The following GABARAPL1 variants were observed in gnomAD, a reference collection of about 807,000 sequenced individuals.
The protein encoded by GABARAPL1 is GABA type A receptor associated protein like 1, also known as gamma-aminobutyric acid receptor-associated protein-like 1.
GABARAPL1 carries 4 observed loss-of-function variants against 14.5 expected under a neutral mutation model. The observed-to-expected ratio is 0.28, with a 90% CI of 0.14 to 0.63. The LOEUF (loss-of-function observed/expected upper bound fraction) is 0.63. Among genes scored for constraint, GABARAPL1 ranks in the 30% least tolerant of loss-of-function variants. The pLI, the probability that GABARAPL1 is intolerant of heterozygous loss-of-function variation, is 0.84. For synonymous variants in GABARAPL1, 47 were observed against 50.6 expected, an observed-to-expected ratio of 0.93 and a Z score of 0.30; for missense variants, 82 against 139.2, an observed-to-expected ratio of 0.59 and a Z score of 2.07.
chr12:10,222,287 G>A lies in GABARAPL1; in HGVS notation c.*435G>A. 5.2e-6 allele frequency: 1 copy of A among 193,312 alleles called. No homozygotes were observed. 12.0% of individuals were successfully genotyped at this position (193,312 alleles called of 1,614,324 possible). ...AGACAGGTAGGGAAAGGGGACTTGT[G>A]GTAGTGGACCATACCTGGGGACCAA... On this transcript the variant is annotated 3_prime_UTR_variant, in exon 4 of 4. Coordinates refer to ENST00000266458, the MANE Select transcript of GABARAPL1 (RefSeq NM_031412.4).
chr12:10,219,153 C>T (rs1162375590), intron 2 of GABARAPL1, among the ~76,000 whole-genome samples: 7 of 151,492 alleles, frequency 4.6e-5, no homozygotes, highest in Admixed American at 1.3e-4. Flanking sequence ...ACCATGTCTT[C>T]ATTAAAAATA....
intron 1 of GABARAPL1, chr12:10,214,905 ACT>A (rs1377388494): frequency 6.6e-6 from 1 of 152,104 alleles, no homozygotes; most frequent in Non-Finnish European, 1.5e-5. Context: ...ATGTGCATTC[ACT>A]CTGAATATTT....
At chr12:10,221,617 C>T (rs1035481908) in intron 3 of GABARAPL1, 170 bp from the exon 4 acceptor site, 1 of 496,154 alleles carries the variant, frequency 2.0e-6, no homozygotes, top group African/African-American at 2.1e-5. Flanking sequence ...TGTTTGTGAA[C>T]TCAGAGCTCA....
chr12:10,213,753 G>T (rs1949071926), intron 1 of GABARAPL1: 1 of 438,330 alleles, frequency 2.3e-6, no homozygotes, highest in Middle Eastern at 3.4e-4. Context: ...CATTACAGGG[G>T]GTTAGGGGAG....
chr12:10,213,606 T>C (rs190051386), intron 1 of GABARAPL1: 4 of 340,376 alleles, frequency 1.2e-5, no homozygotes, highest in Admixed American at 7.8e-5. Flanking sequence ...CGCAGGGACA[T>C]TGTGCTGTGC....
At chr12:10,217,940 A>G (rs1949099809) in intron 1 of GABARAPL1, 123 bp from the exon 2 acceptor site, 1 of 656,648 alleles carries the variant, frequency 1.5e-6, no homozygotes, top group Non-Finnish European at 2.8e-6. Flanking sequence ...AAGAAATGAA[A>G]CAGGTGTCCT....
In GABARAPL1 at chr12:10,220,435, T is replaced by C; in HGVS notation, c.170-5T>C. On this transcript the variant is annotated splice_polypyrimidine_tract_variant and splice_region_variant and intron_variant, in intron 2 of 3. Transcript: ENST00000266458. Reference sequence around the variant, plus strand: ...TTTCTGCCCTTTTCTTCTTCCATCATCCAGTTGGCCAGTTCTACTTCTTAA... The same window carrying C: ...TTTCTGCCCTTTTCTTCTTCCATCACCCAGTTGGCCAGTTCTACTTCTTAA... The C allele has an allele frequency of 6.2e-7, 1 of 1,612,010 alleles. No homozygotes were observed.
intron 1 of GABARAPL1, among the ~76,000 whole-genome samples, chr12:10,217,284 T>G (rs1375740458): frequency 6.6e-6 from 1 of 152,236 alleles, no homozygotes; most frequent in Non-Finnish European, 1.5e-5. Flanking sequence ...TTCCATTTAA[T>G]AATGTTTGAA....
intron 2 of GABARAPL1, among the ~76,000 whole-genome samples, chr12:10,219,191 C>T (rs866384951): frequency 2.6e-5 from 4 of 151,736 alleles, no homozygotes; most frequent in Non-Finnish European, 4.4e-5. Flanking sequence ...TGTTGTTGGG[C>T]ACCTGTAATC....
At chr12:10,216,359 G>A (rs1949088473) in intron 1 of GABARAPL1, among the ~76,000 whole-genome samples, 1 of 151,446 alleles carries the variant, frequency 6.6e-6, no homozygotes, top group South Asian at 2.1e-4. Flanking sequence ...CGACACATGT[G>A]ACACTCGACC....
chr12:10,221,134 T>A, intron 3 of GABARAPL1: 1 of 984,056 alleles, frequency 1.0e-6, no homozygotes, highest in Non-Finnish European at 1.2e-6. Context: ...AGAACAAAAC[T>A]AAAACTGTGA....
chr12:10,218,184 ACT>A (rs1468295194), intron 2 of GABARAPL1, 43 bp downstream of exon 2: 18 of 1,118,656 alleles, frequency 1.6e-5, no homozygotes, highest in African/African-American at 6.1e-5. Flanking sequence ...CGGTGAAAAA[ACT>A]CTCTAGATCC....
At chr12:10,216,824 G>A (rs779593981) in intron 1 of GABARAPL1, among the ~76,000 whole-genome samples, 3 of 152,142 alleles carry the variant, frequency 2.0e-5, no homozygotes, top group Non-Finnish European at 4.4e-5. Context: ...ACAGGCATGA[G>A]CCATTGCGCC....
chr12:10,221,020 C>T (rs1949118106), intron 3 of GABARAPL1: 1 of 985,390 alleles, frequency 1.0e-6, no homozygotes, highest in African/African-American at 1.7e-5. Flanking sequence ...TGAGGCCAGC[C>T]TCTGCCAACT....
chr12:10,217,927 GA>G, intron 1 of GABARAPL1, 135 bp from the exon 2 acceptor site: 1 of 633,550 alleles, frequency 1.6e-6, no homozygotes, highest in South Asian at 1.8e-5. Flanking sequence ...GGGGTGGGGG[GA>G]TAAGAAATGA....
chr12:10,218,902 G>C (rs961702564), intron 2 of GABARAPL1, among the ~76,000 whole-genome samples: 1 of 151,656 alleles, frequency 6.6e-6, no homozygotes, highest in South Asian at 2.1e-4. Flanking sequence ...AGTAGAGACA[G>C]GGTTTCACCA....
At chr12:10,220,138 T>G (rs950790642) in intron 2 of GABARAPL1, among the ~76,000 whole-genome samples, 1 of 152,156 alleles carries the variant, frequency 6.6e-6, no homozygotes, top group Non-Finnish European at 1.5e-5. Context: ...ATGCACATGG[T>G]ATTCCTTCAA....
chr12:10,222,480 A>G lies in GABARAPL1; in HGVS notation c.*628A>G, dbSNP rs1364056581. 2 of 153,292 alleles carry G rather than the reference A, an allele frequency of 1.3e-5. No individual in the cohort carries two copies. Among genetic ancestry groups the G allele is most frequent in the Non-Finnish European group, 2.9e-5 (2 of 68,552 alleles). 9.5% of individuals were successfully genotyped at this position (153,292 alleles called of 1,614,324 possible). A position where few individuals can be genotyped will look rare whatever the true frequency, so the allele number is the denominator to read the frequency against. ...CAGGGATCTCTTACCTTTGGAAAATAGGGGTTAGGCATGAAGGTGGTTGTG... is the reference window on the plus strand; with the variant it reads ...CAGGGATCTCTTACCTTTGGAAAATGGGGGTTAGGCATGAAGGTGGTTGTG... On this transcript the variant is annotated 3_prime_UTR_variant, in exon 4 of 4. Transcript: ENST00000266458.
intron 3 of GABARAPL1, chr12:10,221,250 A>C (rs921241062): frequency 2.0e-6 from 2 of 976,598 alleles, no homozygotes; most frequent in African/African-American, 3.5e-5. Context: ...ACTCAGGAGG[A>C]ATAATTTTTA....
Sources: allele counts gnomAD v4.1 joint callset (sites outside exome capture counted in the v4.1 genomes callset), GRCh38; gene constraint gnomAD v4.1.1; transcripts MANE v1.5; gene names NCBI Gene and HGNC (gene_info 2026-07-23, HGNC 2026-07-21).